The following USH1C variants were observed in gnomAD, a reference collection of about 807,000 sequenced individuals.
The protein encoded by USH1C is USH1 protein network component harmonin.
USH1C carries 90 observed loss-of-function variants against 119.3 expected under a neutral mutation model. That is an observed-to-expected ratio of 0.75 (90% CI 0.64 to 0.90). The LOEUF (loss-of-function observed/expected upper bound fraction) is 0.90. Among genes scored for constraint, USH1C ranks in the 40% least tolerant of loss-of-function variants. The probability of loss-of-function intolerance (pLI) is 0.00; values close to 1 mark genes in which losing one functional copy is unlikely to be tolerated. For missense variants in USH1C, 1,165 were observed against 1,167.7 expected (o/e 1.00, Z 0.03); for synonymous variants, 465 against 443.3 (o/e 1.05, Z -0.62).
At chr11:17,511,244 G>T (rs887793814) in intron 16 of USH1C, among the ~76,000 whole-genome samples, 25 of 152,084 alleles carry the variant, frequency 1.6e-4, no homozygotes, top group African/African-American at 6.0e-4. Flanking sequence ...GCCTTAGACT[G>T]ATAGCCTGAT....
chr11:17,535,128 C>T (rs988944952), intron 1 of USH1C, among the ~76,000 whole-genome samples: 13 of 152,236 alleles, frequency 8.5e-5, no homozygotes, highest in Non-Finnish European at 1.3e-4. Context: ...GCAGCAGGGG[C>T]GAGAAATATC....
Position 17,523,276 on chromosome 11 carries a change from A to G in USH1C, c.820-9T>C, listed in dbSNP as rs370623882. ...TTCAGCACATTTACAGCCTGTGGGG[A>G]CAGAAGGACAGTGGGCCGAGGCCTG... On this transcript the variant is annotated splice_polypyrimidine_tract_variant and intron_variant, in intron 10 of 26. Coordinates refer to ENST00000005226, the MANE Select transcript of USH1C (RefSeq NM_153676.4). 1.5e-4 allele frequency: 243 copies of G among 1,614,002 alleles called. No homozygotes were observed. Among genetic ancestry groups the G allele is most frequent in the Non-Finnish European group, 1.8e-4 (212 of 1,180,016 alleles).
chr11:17,501,044 C>T lies in USH1C; in HGVS notation c.2380+7G>A, dbSNP rs756437407. ...CCCAAACCTGGGTGTGGCTAGTCTC[C>T]ACTCACCATGCCGCTCAGCAGCTCC... is the stretch of plus-strand genomic sequence containing the variant. On this transcript the variant is annotated splice_region_variant and intron_variant, in intron 23 of 26. Coordinates refer to ENST00000005226, the MANE Select transcript of USH1C (RefSeq NM_153676.4). The T allele has an allele frequency of 1.9e-6, 3 of 1,611,782 alleles. No individual in the cohort carries two copies. The South Asian group carries it at 3.3e-5, about 18-fold the overall frequency.
Position 17,509,788 on chromosome 11 carries a change from TG to T in USH1C, c.1580del (p.Pro527HisfsTer3). ...GTCCGCCTGCGAAGCGTCTCAAGGGTGGGGCCAGGGGAGACACAGAAGGCGG... is the reference window on the plus strand; with the variant it reads ...GTCCGCCTGCGAAGCGTCTCAAGGGTGGGCCAGGGGAGACACAGAAGGCGG... ...PPPPSVSPLA[P>X]PLRRFAGGLH... is the part of the protein sequence containing the mutation. On this transcript the variant is annotated frameshift_variant, in exon 18 of 27. Transcript: ENST00000005226. LOFTEE classifies it high-confidence loss of function. 7.0e-7 allele frequency: 1 copy of T among 1,429,590 alleles called. No individual in the cohort carries two copies. Among genetic ancestry groups the T allele is most frequent in the East Asian group, 2.7e-5 (1 of 36,754 alleles). 88.6% of individuals were successfully genotyped at this position (1,429,590 alleles called of 1,614,324 possible). A position where few individuals can be genotyped will look rare whatever the true frequency, so the allele number is the denominator to read the frequency against.
intron 15 of USH1C, chr11:17,514,774 A>G (rs1202927863): frequency 2.7e-5 from 4 of 146,914 alleles, no homozygotes; most frequent in East Asian, 2.0e-4. Context: ...CGATTGTGCT[A>G]TTGATTCTAC....
rs761207402 is a variant in USH1C at position 17,510,538 on chromosome 11, G to A, written c.1414-17C>T. On this transcript the variant is annotated splice_polypyrimidine_tract_variant and intron_variant, in intron 16 of 26. Transcript: ENST00000005226. Reference sequence around the variant, plus strand: ...CTCAGACACCTGGGACCCAGGATCGGCGCAGAAAGGAGAGGACAAAGGGCA... The same window carrying A: ...CTCAGACACCTGGGACCCAGGATCGACGCAGAAAGGAGAGGACAAAGGGCA... 3.8e-6 allele frequency: 6 copies of A among 1,593,276 alleles called. No homozygotes were observed. In the Admixed American group the frequency reaches 6.7e-5, roughly 18 times the overall value.
Position 17,495,686 on chromosome 11 carries a change from A to C in USH1C, c.2547-9T>G, listed in dbSNP as rs1268614942. 1 of 1,613,878 alleles carries C rather than the reference A, an allele frequency of 6.2e-7. No individual in the cohort carries two copies. The highest frequency in any genetic ancestry group is 1.7e-5 in the Admixed American group (1 of 60,028). ...AGGAGGGAAGAGAAGCTCTATATAT[A>C]CAGAGCAGAGCAAGAAACACAAAAC... On this transcript the variant is annotated splice_polypyrimidine_tract_variant and intron_variant, in intron 25 of 26. Coordinates refer to ENST00000005226, the MANE Select transcript of USH1C (RefSeq NM_153676.4).
At chr11:17,534,078 AGT>A (rs1442811847) in intron 1 of USH1C, among the ~76,000 whole-genome samples, 2 of 152,262 alleles carry the variant, frequency 1.3e-5, no homozygotes, top group Non-Finnish European at 2.9e-5. Context: ...GAGTTACCTC[AGT>A]GTGAATCTCT....
In USH1C at chr11:17,496,828, C is replaced by T. The variant is rs772514718; in HGVS notation, c.2491-15G>A. The T allele has an allele frequency of 5.0e-6, 8 of 1,613,940 alleles. No individual in the cohort carries two copies. Among genetic ancestry groups the T allele is most frequent in the East Asian group, 2.2e-5 (1 of 44,890 alleles). Reference sequence around the variant, plus strand: ...TCGATCCAGTCCTGTGGGGAGAAGCCGTGTGACTCTGGGGCACACTCAGTT... The same window carrying T: ...TCGATCCAGTCCTGTGGGGAGAAGCTGTGTGACTCTGGGGCACACTCAGTT... On this transcript the variant is annotated splice_polypyrimidine_tract_variant and intron_variant, in intron 24 of 26. Coordinates refer to ENST00000005226, the MANE Select transcript of USH1C (RefSeq NM_153676.4).
At chr11:17,527,143 G>A (rs1305164861) in intron 5 of USH1C, 80 bp downstream of exon 5, 14 of 522,962 alleles carry the variant, frequency 2.7e-5, no homozygotes, top group East Asian at 1.6e-4. Flanking sequence ...CCCTCCCACC[G>A]TCATGGAGTA....
chr11:17,533,364 C>CCG lies in USH1C; in HGVS notation c.37-43_37-42insCG, dbSNP rs1554963783. 196 of 1,343,820 alleles carry CCG rather than the reference C, an allele frequency of 1.5e-4. 1 individual carries two copies. Among genetic ancestry groups the CCG allele is most frequent in the African/African-American group, 2.1e-4 (9 of 42,540 alleles). The allele number at this position is 1,343,820 out of a possible 1,614,324, so 83.2% of individuals were successfully genotyped here. ...CAGAATCACAGCTCCAGGCTCAGCA[C>CCG]CCGCCCCCATAGCAGACCTCAGGGA... On this transcript the variant is annotated intron_variant, in intron 1 of 26. Coordinates refer to ENST00000005226, the MANE Select transcript of USH1C (RefSeq NM_153676.4).
At chr11:17,543,113 T>C (rs1430569071) in intron 1 of USH1C, among the ~76,000 whole-genome samples, 1 of 152,222 alleles carries the variant, frequency 6.6e-6, no homozygotes, top group Non-Finnish European at 1.5e-5. Context: ...GCTGAGAGGA[T>C]GCTCAAAACA....
At chr11:17,495,516 C>T (rs535806574) in intron 26 of USH1C, 53 bp downstream of exon 26, 3 of 1,561,718 alleles carry the variant, frequency 1.9e-6, no homozygotes, top group South Asian at 2.2e-5. Context: ...CAGCAGATGG[C>T]CACTGCAAGC....
chr11:17,533,187 C>A, intron 2 of USH1C, 68 bp downstream of exon 2: 1 of 1,250,642 alleles, frequency 8.0e-7, no homozygotes. Flanking sequence ...TCAGAACAAC[C>A]CATCCCAGGG....
At position 17,540,444 on chromosome 11, in the gene USH1C, G is replaced by A. The variant is rs534939401; in HGVS notation, c.36+3828C>T. ...TCTGTCCTAGGTCTCCTCTCCATCT[G>A]CACTGTCTCTCTAAGTGACCTCATT... On this transcript the variant is annotated intron_variant, in intron 1 of 26. Coordinates refer to ENST00000005226, the MANE Select transcript of USH1C (RefSeq NM_153676.4). 3.3e-5 allele frequency among the ~76,000 whole-genome samples: 5 copies of A among 152,080 alleles called. No homozygotes were observed. The South Asian group carries it at 8.3e-4, about 25-fold the overall frequency.
At position 17,531,520 on chromosome 11, in the gene USH1C, C is replaced by A. The variant is rs145500807; in HGVS notation, c.127G>T (p.Val43Leu). The change falls in exon 3 of 27, where the codon GTG (valine) becomes TTG (leucine). Residue 43 changes from valine (V) to leucine (L), a missense_variant. Coordinates refer to ENST00000005226, the MANE Select transcript of USH1C (RefSeq NM_153676.4). This position sits in a 1 kb window ranked among gnomAD's most constrained non-coding sequence, Gnocchi z 4.2. ...TTGATGACCAGCTTCAGGTCTCCCA[C>A]GAGCACGGCCACGTCCATGGTCCTG... Reference protein sequence around the residue: ...YHQTMDVAVLVGDLKLVINEP... With the variant: ...YHQTMDVAVLLGDLKLVINEP... The A allele has an allele frequency of 1.9e-6, 3 of 1,613,452 alleles. No homozygotes were observed. The highest frequency in any genetic ancestry group is 2.7e-5 in the African/African-American group (2 of 74,886).
At chr11:17,502,967 G>C (rs953110262) in intron 20 of USH1C, among the ~76,000 whole-genome samples, 1 of 152,156 alleles carries the variant, frequency 6.6e-6, no homozygotes, top group African/African-American at 2.4e-5. Context: ...GTGACCCATG[G>C]GGCCCATGGT....
chr11:17,528,892 AC>A (rs1230356842), intron 4 of USH1C, among the ~76,000 whole-genome samples: 1 of 152,172 alleles, frequency 6.6e-6, no homozygotes, highest in East Asian at 1.9e-4. Flanking sequence ...CCTATTTTTC[AC>A]AACAACCCTG....
chr11:17,505,579 C>A (rs7114610), intron 19 of USH1C, among the ~76,000 whole-genome samples: 1 of 152,180 alleles, frequency 6.6e-6, no homozygotes, highest in Non-Finnish European at 1.5e-5. Flanking sequence ...CAGGTCGTAG[C>A]GATCATTATT....
Sources: allele counts gnomAD v4.1 joint callset (sites outside exome capture counted in the v4.1 genomes callset), GRCh38; gene constraint gnomAD v4.1.1; non-coding constraint Gnocchi (gnomAD v3.1); transcripts MANE v1.5; gene names NCBI Gene and HGNC (gene_info 2026-07-23, HGNC 2026-07-21).